The following IER3IP1 variants were observed in gnomAD, a reference collection of about 807,000 sequenced individuals.
The protein encoded by IER3IP1 is immediate early response 3-interacting protein 1.
In IER3IP1, 16 loss-of-function variants were observed where a neutral mutation model predicts 12.2. The ratio of observed to expected loss-of-function variants is 1.31; its 90% CI spans 0.89 to 1.99. IER3IP1 has a LOEUF of 1.99. IER3IP1 is among the 30% of genes most tolerant of loss of function. The pLI, the probability that IER3IP1 is intolerant of heterozygous loss-of-function variation, is 0.00. For synonymous variants in IER3IP1, 42 were observed against 40.0 expected (o/e 1.05, Z -0.19); for missense variants, 95 against 95.8 (o/e 0.99, Z 0.03).
chr18:47,160,188 T>TC (rs986301305), intron 1 of IER3IP1, among the ~76,000 whole-genome samples: 2 of 143,514 alleles, frequency 1.4e-5, no homozygotes, highest in African/African-American at 5.2e-5. Context: ...AGAGCAAAAC[T>TC]CCGTCTCAAA....
At chr18:47,171,763 T>C (rs890827541) in intron 1 of IER3IP1, among the ~76,000 whole-genome samples, 2 of 152,180 alleles carry the variant, frequency 1.3e-5, no homozygotes, top group African/African-American at 4.8e-5. Flanking sequence ...ACTATTACTG[T>C]TCTGAGATTT....
At chr18:47,175,301 T>C (rs915795900) in intron 1 of IER3IP1, among the ~76,000 whole-genome samples, 1 of 152,154 alleles carries the variant, frequency 6.6e-6, no homozygotes, top group East Asian at 1.9e-4. Context: ...TGAATAAACT[T>C]TTCTTGGAAC....
chr18:47,156,353 G>T, intron 2 of IER3IP1, 121 bp from the exon 3 acceptor site: 2 of 662,922 alleles, frequency 3.0e-6, no homozygotes, highest in Non-Finnish European at 5.4e-6. Flanking sequence ...TAATCATGTT[G>T]TAAAAAGTTA....
At chr18:47,162,033 T>G (rs1403938722) in intron 1 of IER3IP1, among the ~76,000 whole-genome samples, 1 of 152,070 alleles carries the variant, frequency 6.6e-6, no homozygotes, top group Non-Finnish European at 1.5e-5. Flanking sequence ...CAGGCACTAA[T>G]GTGGGCCATG....
chr18:47,158,497 A>G (rs937228717), intron 1 of IER3IP1, among the ~76,000 whole-genome samples: 1 of 151,598 alleles, frequency 6.6e-6, no homozygotes, highest in Non-Finnish European at 1.5e-5. Context: ...GCACGCCACC[A>G]CACCCGGCTA....
intron 1 of IER3IP1, among the ~76,000 whole-genome samples, chr18:47,162,204 T>A (rs1457454714): frequency 6.6e-6 from 1 of 152,160 alleles, no homozygotes; most frequent in African/African-American, 2.4e-5. Flanking sequence ...TGGCCAGTTG[T>A]CGGAAGAAAG....
intron 1 of IER3IP1, 144 bp downstream of exon 1, chr18:47,176,043 G>A (rs2064032112): frequency 8.2e-6 from 6 of 732,908 alleles, no homozygotes; most frequent in South Asian, 7.5e-5. Flanking sequence ...CCTGATGAGA[G>A]GAAAGGCTCG....
In IER3IP1 at chr18:47,155,906, C is replaced by A; in HGVS notation, c.*271G>T. On this transcript the variant is annotated 3_prime_UTR_variant, in exon 3 of 3. Transcript: ENST00000256433. The stretch of plus-strand genomic sequence containing the variant: ...CAGTCTTGCACCCTTTTAACAATCT[C>A]ACCACAGCATGAACTACTATTAACA... 3.0e-6 allele frequency: 1 copy of A among 329,092 alleles called. No homozygotes were observed. Among genetic ancestry groups the A allele is most frequent in the Non-Finnish European group, 5.5e-6 (1 of 181,684 alleles). The allele number at this position is 329,092 out of a possible 1,614,324, so 20.4% of individuals were successfully genotyped here. A position where few individuals can be genotyped will look rare whatever the true frequency, so the allele number is the denominator to read the frequency against.
At chr18:47,158,186 A>G (rs1401570778) in intron 1 of IER3IP1, among the ~76,000 whole-genome samples, 5 of 152,230 alleles carry the variant, frequency 3.3e-5, no homozygotes, top group African/African-American at 4.8e-5. Flanking sequence ...ACTTTTTTAG[A>G]TTCTTTTTCA....
intron 1 of IER3IP1, among the ~76,000 whole-genome samples, chr18:47,160,209 A>C (rs2063975680): frequency 6.6e-6 from 1 of 151,922 alleles, no homozygotes; most frequent in Admixed American, 6.6e-5. Context: ...AAAAAAAAAA[A>C]GTTCCCATCC....
intron 1 of IER3IP1, among the ~76,000 whole-genome samples, chr18:47,158,777 A>G (rs1022707309): frequency 6.7e-6 from 1 of 149,998 alleles, no homozygotes; most frequent in Non-Finnish European, 1.5e-5. Context: ...CCTGGGTAAC[A>G]TGACGAAACC....
chr18:47,156,698 G>T (rs1313180063), intron 2 of IER3IP1, among the ~76,000 whole-genome samples: 1 of 151,610 alleles, frequency 6.6e-6, no homozygotes, highest in Non-Finnish European at 1.5e-5. Flanking sequence ...TTAAATAAAA[G>T]ATTTTTGAAC....
chr18:47,162,226 A>G (rs1249671191), intron 1 of IER3IP1, among the ~76,000 whole-genome samples: 2 of 152,154 alleles, frequency 1.3e-5, no homozygotes, highest in Non-Finnish European at 2.9e-5. Flanking sequence ...CTTCCTCCCA[A>G]TACTGACATT....
intron 1 of IER3IP1, among the ~76,000 whole-genome samples, chr18:47,164,604 C>T (rs2063989957): frequency 1.3e-5 from 2 of 151,288 alleles, no homozygotes; most frequent in South Asian, 2.1e-4. Context: ...CCCAGGAGTT[C>T]GAGACCAGCC....
rs543964145 is a variant in IER3IP1, at chr18:47,154,656, C to A, written c.*1521G>T. On this transcript the variant is annotated 3_prime_UTR_variant, in exon 3 of 3. Coordinates refer to ENST00000256433, the MANE Select transcript of IER3IP1 (RefSeq NM_016097.5). ...AGTTCTTTGTAAGGCTAAAAGAACA[C>A]GGCCTCTAAGTACCAAATTAGTCAT... The A allele has an allele frequency of 6.6e-6, 1 of 152,162 alleles. No individual in the cohort carries two copies. Among genetic ancestry groups the A allele is most frequent in the Non-Finnish European group, 1.5e-5 (1 of 68,030 alleles). The allele number at this position is 152,162 out of a possible 1,614,324, so 9.4% of individuals were successfully genotyped here.
intron 1 of IER3IP1, among the ~76,000 whole-genome samples, chr18:47,164,823 C>T (rs1376686773): frequency 2.6e-5 from 4 of 151,566 alleles, no homozygotes; most frequent in South Asian, 4.2e-4. Context: ...AATTCTCTGG[C>T]TTTCTTGTCA....
At chr18:47,158,670 G>T (rs1028091865) in intron 1 of IER3IP1, among the ~76,000 whole-genome samples, 2 of 151,470 alleles carry the variant, frequency 1.3e-5, no homozygotes, top group Non-Finnish European at 2.9e-5. Context: ...ATCTTTTAAA[G>T]AATTTGGGGG....
chr18:47,171,928 G>A (rs2064016779), intron 1 of IER3IP1, among the ~76,000 whole-genome samples: 1 of 151,832 alleles, frequency 6.6e-6, no homozygotes, highest in Non-Finnish European at 1.5e-5. Flanking sequence ...CAGTAGCTGG[G>A]TGCCACCACA....
At chr18:47,175,480 G>GTTTTGT (rs11464058) in intron 1 of IER3IP1, among the ~76,000 whole-genome samples, 18 of 152,066 alleles carry the variant, frequency 1.2e-4, no homozygotes, top group African/African-American at 3.9e-4. Flanking sequence ...GTTTTGTTTT[G>GTTTTGT]TTAGACGGAG....
Sources: allele counts gnomAD v4.1 joint callset (sites outside exome capture counted in the v4.1 genomes callset), GRCh38; gene constraint gnomAD v4.1.1; transcripts MANE v1.5; gene names NCBI Gene and HGNC (gene_info 2026-07-23, HGNC 2026-07-21).